The following XRCC5 variants were observed in gnomAD, a reference collection of about 807,000 sequenced individuals.
XRCC5 encodes DNA repair protein Ku80.
A neutral mutation model predicts 95.7 loss-of-function variants in XRCC5; 12 were observed. The ratio of observed to expected loss-of-function variants is 0.13; its 90% CI spans 0.08 to 0.20. XRCC5 has a LOEUF of 0.20. Ranked by LOEUF, XRCC5 falls within the 10% of genes least tolerant of loss-of-function variation. XRCC5 has a pLI of 1.00. For synonymous variants in XRCC5, 281 were observed against 290.3 expected, an observed-to-expected ratio of 0.97 and a Z score of 0.33; for missense variants, 595 against 873.9, an observed-to-expected ratio of 0.68 and a Z score of 4.02.
At chr2:216,158,707 A>C (rs1296233159) in intron 14 of XRCC5, among the ~76,000 whole-genome samples, 1 of 152,160 alleles carries the variant, frequency 6.6e-6, no homozygotes, top group Non-Finnish European at 1.5e-5. Context: ...TACTTCTCAA[A>C]GGGAAAACAT....
intron 8 of XRCC5, among the ~76,000 whole-genome samples, chr2:216,129,371 CAT>C (rs919644067): frequency 1.3e-5 from 2 of 152,134 alleles, no homozygotes; most frequent in African/African-American, 4.8e-5. Context: ...CCAGTATACA[CAT>C]GTGGGCAAAG....
intron 10 of XRCC5, among the ~76,000 whole-genome samples, chr2:216,135,722 G>A (rs1485498139): frequency 1.3e-5 from 2 of 151,630 alleles, no homozygotes; most frequent in African/African-American, 4.8e-5. Flanking sequence ...TTGCTTGAAC[G>A]GGGGACACAG....
intron 14 of XRCC5, among the ~76,000 whole-genome samples, chr2:216,148,799 G>T (rs1688686630): frequency 1.3e-5 from 2 of 152,154 alleles, no homozygotes; most frequent in African/African-American, 4.8e-5. Context: ...GTAGTTTTAA[G>T]TATTGCAAAA....
chr2:216,194,412 C>G (rs1689678027), intron 18 of XRCC5, among the ~76,000 whole-genome samples: 1 of 152,130 alleles, frequency 6.6e-6, no homozygotes, highest in African/African-American at 2.4e-5. Context: ...GGAGAGAGAA[C>G]ATGTGTACAA....
chr2:216,137,816 T>C (rs207881), intron 11 of XRCC5, among the ~76,000 whole-genome samples: 149,287 of 152,322 alleles, frequency 0.98, 73,185 homozygotes, highest in East Asian at 1. Context: ...CTGGTCACCC[T>C]AGTCTTCTCA....
chr2:216,155,479 A>C (rs1688824395), intron 14 of XRCC5, among the ~76,000 whole-genome samples: 1 of 152,292 alleles, frequency 6.6e-6, no homozygotes, highest in South Asian at 2.1e-4. Context: ...TAAACATTAG[A>C]TGATACCAGT....
chr2:216,196,218 T>TAAA (rs58466188), intron 19 of XRCC5, among the ~76,000 whole-genome samples: 28 of 141,558 alleles, frequency 2.0e-4, no homozygotes, highest in African/African-American at 6.9e-4. Context: ...AGATTTTTGT[T>TAAA]AAAAAAAAAA....
At chr2:216,164,124 G>A in intron 16 of XRCC5, among the ~76,000 whole-genome samples, 1 of 152,196 alleles carries the variant, frequency 6.6e-6, no homozygotes, top group East Asian at 1.9e-4. Context: ...GTTACAGGGT[G>A]CTCGGAAAGT....
intron 19 of XRCC5, among the ~76,000 whole-genome samples, chr2:216,197,995 A>T (rs570305826): frequency 6.6e-5 from 10 of 152,222 alleles, no homozygotes; most frequent in African/African-American, 2.2e-4. Context: ...CTTGTATCCA[A>T]CTCCCGAACC....
In XRCC5 at chr2:216,116,705, C is replaced by T; in HGVS notation, c.182C>T (p.Thr61Ile). The change falls in exon 3 of 21, where the codon ACA becomes ATA. Residue 61 changes from threonine to isoleucine, a missense_variant. Coordinates refer to ENST00000392132, the MANE Select transcript of XRCC5 (RefSeq NM_021141.4). ...GAGATTGCTTTAGTCCTGTTTGGTA[C>T]AGATGGCACTGACAATCCCCTTTCT... The part of the protein sequence containing the change: ...KDEIALVLFG[T>I]DGTDNPLSGG... 6.2e-7 allele frequency: 1 copy of T among 1,614,160 alleles called. No homozygotes were observed. The highest frequency in any genetic ancestry group is 8.5e-7 in the Non-Finnish European group (1 of 1,180,020).
intron 14 of XRCC5, among the ~76,000 whole-genome samples, chr2:216,148,932 G>T (rs41296414): frequency 9.7e-4 from 147 of 152,228 alleles, no homozygotes; most frequent in African/African-American, 3.4e-3. Flanking sequence ...AGAAATTGTT[G>T]TTGCTTATCC....
intron 17 of XRCC5, among the ~76,000 whole-genome samples, chr2:216,190,784 G>A (rs1689600807): frequency 6.6e-6 from 1 of 152,178 alleles, no homozygotes; most frequent in South Asian, 2.1e-4. Flanking sequence ...CTGACAATAA[G>A]TTCCTCCCAT....
At chr2:216,123,482 T>G (rs1257180368) in intron 6 of XRCC5, among the ~76,000 whole-genome samples, 4 of 152,174 alleles carry the variant, frequency 2.6e-5, no homozygotes, top group Non-Finnish European at 5.9e-5. Context: ...AATAAATGCC[T>G]TAAGCTAAAC....
At chr2:216,147,858 A>G (rs1156784615) in intron 13 of XRCC5, among the ~76,000 whole-genome samples, 1 of 152,230 alleles carries the variant, frequency 6.6e-6, no homozygotes, top group Non-Finnish European at 1.5e-5. Context: ...TCCAGAGCAG[A>G]AGATACTGTT....
At chr2:216,122,891 C>T (rs1036942539) in intron 6 of XRCC5, among the ~76,000 whole-genome samples, 1 of 152,148 alleles carries the variant, frequency 6.6e-6, no homozygotes, top group African/African-American at 2.4e-5. Context: ...TTTCAACCAT[C>T]CAGCTAGAGA....
chr2:216,148,640 G>GT (rs1688682636), intron 14 of XRCC5, among the ~76,000 whole-genome samples: 1 of 152,076 alleles, frequency 6.6e-6, no homozygotes, highest in African/African-American at 2.4e-5. Context: ...AAGATCATAG[G>GT]TTTTTTGGGT....
intron 16 of XRCC5, among the ~76,000 whole-genome samples, chr2:216,165,668 C>T (rs989911355): frequency 2.0e-5 from 3 of 152,174 alleles, no homozygotes; most frequent in Non-Finnish European, 4.4e-5. Flanking sequence ...GATTTCTGTC[C>T]AGAGTCGGGA....
intron 19 of XRCC5, among the ~76,000 whole-genome samples, chr2:216,196,359 A>G (rs1215622412): frequency 1.3e-5 from 2 of 152,136 alleles, no homozygotes; most frequent in African/African-American, 4.8e-5. Context: ...AATACTGAGC[A>G]CCATAGGCTT....
At chr2:216,117,695 T>C (rs1258382542) in intron 3 of XRCC5, 51 bp from the exon 4 acceptor site, 5 of 1,582,406 alleles carry the variant, frequency 3.2e-6, no homozygotes, top group East Asian at 2.2e-5. Flanking sequence ...AAGAGTTGCG[T>C]GTTCACATGA....
Sources: gnomAD v4.1 joint callset for allele counts (sites outside exome capture counted in the v4.1 genomes callset) on GRCh38, gnomAD v4.1.1 for gene constraint, MANE v1.5 for transcripts, NCBI Gene and HGNC (gene_info 2026-07-23, HGNC 2026-07-21) for gene names.